CCDC30: variants seen among roughly 807,000 people sequenced by gnomAD.
CCDC30 encodes coiled-coil domain-containing protein 30.
A neutral mutation model predicts 100.2 loss-of-function variants in CCDC30; 70 were observed. The ratio of observed to expected loss-of-function variants is 0.70; its 90% CI spans 0.58 to 0.85. CCDC30 has a LOEUF of 0.85. Ranked by LOEUF, CCDC30 falls within the 40% of genes least tolerant of loss-of-function variation. The pLI is 0.00. For missense variants in CCDC30, 652 were observed against 771.2 expected, an observed-to-expected ratio of 0.85 and a Z score of 1.83; for synonymous variants, 233 against 269.5, an observed-to-expected ratio of 0.86 and a Z score of 1.33.
intron 6 of CCDC30, among the ~76,000 whole-genome samples, chr1:42,510,327 T>C (rs1644457206): frequency 6.6e-6 from 1 of 152,190 alleles, no homozygotes; most frequent in Admixed American, 6.5e-5. Context: ...GGCTTAGGAA[T>C]AGCATAATAT....
rs1297227281 is a variant in CCDC30, at chr1:42,584,765, A to T, written c.1001+3251A>T. On this transcript the variant is annotated intron_variant, in intron 9 of 16. Coordinates refer to ENST00000668663, the Ensembl canonical transcript of CCDC30. The stretch of plus-strand genomic sequence containing the variant: ...AAGTGGCAAGAAAATGAGGCTAGAA[A>T]GGTAAGCTAGACCTAGGTCATGTAG... Among the ~76,000 whole-genome samples, 4 of 152,346 alleles carry T rather than the reference A, an allele frequency of 2.6e-5. No homozygotes were observed. In the East Asian group the frequency reaches 7.7e-4, roughly 29 times the overall value.
At chr1:42,616,639 A>G (rs1469529384) in intron 11 of CCDC30, among the ~76,000 whole-genome samples, 2 of 152,204 alleles carry the variant, frequency 1.3e-5, no homozygotes, top group Non-Finnish European at 2.9e-5. Context: ...TTGTTCCTAA[A>G]TTTTAGAACA....
At chr1:42,550,714 A>C (rs1645233958) in intron 6 of CCDC30, among the ~76,000 whole-genome samples, 1 of 152,122 alleles carries the variant, frequency 6.6e-6, no homozygotes, top group South Asian at 2.1e-4. Flanking sequence ...GTTGGTAATT[A>C]TCTTATTTGT....
At chr1:42,545,312 C>G in intron 6 of CCDC30, 98 bp from the exon 9 acceptor site, 1 of 912,818 alleles carries the variant, frequency 1.1e-6, no homozygotes, top group Non-Finnish European at 1.6e-6. Flanking sequence ...ATTATATAAG[C>G]CAATAGTTAA....
chr1:42,565,599 G>T (rs1317273829), intron 6 of CCDC30, among the ~76,000 whole-genome samples: 1 of 152,200 alleles, frequency 6.6e-6, no homozygotes, highest in East Asian at 1.9e-4. Flanking sequence ...ATGTAAATTA[G>T]TACAACCAAT....
chr1:42,572,981 A>G (rs1422357464), intron 7 of CCDC30, among the ~76,000 whole-genome samples: 1 of 152,206 alleles, frequency 6.6e-6, no homozygotes, highest in Admixed American at 6.5e-5. Context: ...CCCTTGTGCC[A>G]ATACTATGCT....
chr1:42,528,191 A>G (rs1360093173), intron 6 of CCDC30, among the ~76,000 whole-genome samples: 5 of 152,208 alleles, frequency 3.3e-5, no homozygotes, highest in Non-Finnish European at 7.4e-5. Flanking sequence ...AGTGGCAATG[A>G]AGTCTAGAAC....
intron 7 of CCDC30, among the ~76,000 whole-genome samples, 184 bp downstream of exon 11, chr1:42,566,659 T>G (rs1365971572): frequency 6.6e-6 from 1 of 152,156 alleles, no homozygotes; most frequent in Non-Finnish European, 1.5e-5. Flanking sequence ...TATCAACCTG[T>G]AAATAGAAAA....
chr1:42,591,620 T>A (rs1228836981), intron 10 of CCDC30: 2 of 152,230 alleles, frequency 1.3e-5, no homozygotes, highest in Non-Finnish European at 2.9e-5. Flanking sequence ...CACAGAGAAG[T>A]TCTAATAGGG....
intron 11 of CCDC30, among the ~76,000 whole-genome samples, chr1:42,618,499 G>A (rs1489200630): frequency 6.6e-6 from 1 of 152,166 alleles, no homozygotes; most frequent in Admixed American, 6.5e-5. Flanking sequence ...GCCTCCCAAA[G>A]TGCTGGGATT....
intron 15 of CCDC30, 40 bp downstream of exon 19, chr1:42,646,357 C>T: frequency 1.4e-5 from 20 of 1,410,442 alleles, no homozygotes; most frequent in Non-Finnish European, 1.8e-5. Context: ...TACCCTTCCC[C>T]ACATTCTGCC....
intron 10 of CCDC30, among the ~76,000 whole-genome samples, chr1:42,601,876 T>C (rs1340701425): frequency 6.6e-6 from 1 of 151,928 alleles, no homozygotes; most frequent in African/African-American, 2.4e-5. Flanking sequence ...ATGTGTGAGG[T>C]TTTGGATCAA....
At chr1:42,556,363 G>A in intron 6 of CCDC30, 1 of 1,614,082 alleles carries the variant, frequency 6.2e-7, no homozygotes, top group South Asian at 1.1e-5. Flanking sequence ...GCCTTCTTCA[G>A]TCTCAGAGCT....
At chr1:42,576,906 T>G in intron 7 of CCDC30, 114 bp from the exon 12 acceptor site, 1 of 709,194 alleles carries the variant, frequency 1.4e-6, no homozygotes, top group Non-Finnish European at 2.4e-6. Flanking sequence ...CTCAGCCATG[T>G]GACATTGGTA....
At chr1:42,525,307 C>G (rs375567395) in intron 6 of CCDC30, among the ~76,000 whole-genome samples, 3 of 152,262 alleles carry the variant, frequency 2.0e-5, no homozygotes, top group Admixed American at 6.5e-5. Context: ...TTCACAAAGG[C>G]TCTGTTCATT....
chr1:42,623,247 C>T (rs1286821879), intron 11 of CCDC30, among the ~76,000 whole-genome samples: 1 of 151,878 alleles, frequency 6.6e-6, no homozygotes, highest in Non-Finnish European at 1.5e-5. Flanking sequence ...GATGTGATTC[C>T]ATTTGTCCAT....
intron 1 of CCDC30, among the ~76,000 whole-genome samples, chr1:42,470,461 C>T (rs973434070): frequency 2.0e-5 from 3 of 152,094 alleles, no homozygotes; most frequent in Admixed American, 6.5e-5. Context: ...TCCACTCCTA[C>T]GTATATACCC....
chr1:42,500,058 A>G (rs2148477686), intron 6 of CCDC30: 1 of 788,504 alleles, frequency 1.3e-6, no homozygotes, highest in East Asian at 2.9e-5. Context: ...CTTCGTTGTC[A>G]GTAGTTCTTT....
the CCDC30 span, chr1:42,457,068 C>T: frequency 3.1e-6 from 5 of 1,594,132 alleles, no homozygotes; most frequent in Non-Finnish European, 4.3e-6. Flanking sequence ...GCACTCAATC[C>T]GCTAGGTGCG....
Sources: allele counts gnomAD v4.1 joint callset (sites outside exome capture counted in the v4.1 genomes callset), GRCh38; gene constraint gnomAD v4.1.1; transcripts MANE v1.5; gene names NCBI Gene and HGNC (gene_info 2026-07-23, HGNC 2026-07-21).